ZNF25: variants seen among roughly 807,000 people sequenced by gnomAD.
The protein encoded by ZNF25 is zinc finger protein 25 (KOX 19).
In ZNF25, 21 loss-of-function variants were observed where a neutral mutation model predicts 30.9. The ratio of observed to expected loss-of-function variants is 0.68; its 90% CI spans 0.48 to 0.98. The LOEUF (loss-of-function observed/expected upper bound fraction) is 0.98, where lower values mean the gene tolerates loss of function less well. Among genes scored for constraint, ZNF25 ranks in the 50% least tolerant of loss-of-function variants. ZNF25 has a pLI of 0.00. For missense variants in ZNF25, 501 were observed against 529.9 expected (o/e 0.95, Z 0.54); for synonymous variants, 169 against 181.3 (o/e 0.93, Z 0.55).
intron 4 of ZNF25, among the ~76,000 whole-genome samples, chr10:37,955,579 CCAATG>C (rs1267152512): frequency 6.6e-6 from 1 of 152,148 alleles, no homozygotes; most frequent in Non-Finnish European, 1.5e-5. Context: ...ATCATAAAAA[CCAATG>C]CATTGGCTTT....
Position 37,950,626 on chromosome 10 carries a change from T to C in ZNF25, c.*1501A>G, listed in dbSNP as rs1233515988. ...CAAATAATGATGATAACCTCTAACA[T>C]ATAGCTCTTGTGTCTCAGACACTAT... On this transcript the variant is annotated 3_prime_UTR_variant, in exon 6 of 6. Coordinates refer to ENST00000302609, the MANE Select transcript of ZNF25 (RefSeq NM_145011.4). 1 of 152,094 alleles carries C rather than the reference T, an allele frequency of 6.6e-6. No individual in the cohort carries two copies. Among genetic ancestry groups the C allele is most frequent in the Admixed American group, 6.6e-5 (1 of 15,252 alleles). 9.4% of individuals were successfully genotyped at this position (152,094 alleles called of 1,614,324 possible).
At chr10:37,970,319 A>T (rs1275178657) in intron 2 of ZNF25, among the ~76,000 whole-genome samples, 1 of 152,172 alleles carries the variant, frequency 6.6e-6, no homozygotes, top group Admixed American at 6.5e-5. Context: ...TTGATTCCAC[A>T]TTTGAACATC....
chr10:37,953,892 T>G (rs2062346551), intron 4 of ZNF25, 134 bp from the exon 5 acceptor site: 1 of 810,590 alleles, frequency 1.2e-6, no homozygotes, highest in South Asian at 1.8e-5. Flanking sequence ...GCCCATTGTT[T>G]TGGGAAAAAA....
In ZNF25 at chr10:37,952,224, G is replaced by A. The variant is rs1300182160; in HGVS notation, c.1274C>T (p.Pro425Leu). 1 of 1,613,860 alleles carries A rather than the reference G, an allele frequency of 6.2e-7. No homozygotes were observed. The highest frequency in any genetic ancestry group is 1.3e-5 in the African/African-American group (1 of 74,894). ...TTCCCCACACTCCTGACACTCATAG[G>A]GCTTCTCCCCTGTGTGTTTTCTCTG... Reference protein sequence around the residue: ...IHQRKHTGEKPYECQECGETF... With the variant: ...IHQRKHTGEKLYECQECGETF... Residue 425 changes from proline (P) to leucine (L), a missense_variant, in exon 6 of 6, where the codon CCC (proline) becomes CTC (leucine). Physicochemically the swap from Pro to Leu is moderately conservative, Grantham distance 98. Transcript: ENST00000302609.
chr10:37,960,633 A>AAAAC (rs2062815832), intron 2 of ZNF25, among the ~76,000 whole-genome samples: 1 of 148,266 alleles, frequency 6.7e-6, no homozygotes, highest in African/African-American at 2.4e-5. Context: ...CAAAAAAAAA[A>AAAAC]AAAAAAAAAA....
intron 1 of ZNF25, among the ~76,000 whole-genome samples, chr10:37,976,110 C>T (rs1387036038): frequency 2.0e-5 from 3 of 152,220 alleles, no homozygotes; most frequent in African/African-American, 7.2e-5. Context: ...ATCTATTACC[C>T]TATTCAGTAC....
At chr10:37,955,582 A>G (rs2062464674) in intron 4 of ZNF25, among the ~76,000 whole-genome samples, 1 of 152,232 alleles carries the variant, frequency 6.6e-6, no homozygotes, top group African/African-American at 2.4e-5. Flanking sequence ...ATAAAAACCA[A>G]TGCATTGGCT....
intron 1 of ZNF25, among the ~76,000 whole-genome samples, chr10:37,974,573 T>A (rs893416409): frequency 2.0e-5 from 3 of 152,032 alleles, no homozygotes; most frequent in African/African-American, 7.2e-5. Context: ...GGGATATCAT[T>A]TTACCCCTTA....
chr10:37,958,264 TATC>T (rs1342126719), intron 2 of ZNF25, among the ~76,000 whole-genome samples: 1 of 152,222 alleles, frequency 6.6e-6, no homozygotes, highest in East Asian at 1.9e-4. Flanking sequence ...CATTTCATAT[TATC>T]ATGTTAGATT....
intron 2 of ZNF25, among the ~76,000 whole-genome samples, chr10:37,967,084 C>A (rs2063226615): frequency 6.6e-6 from 1 of 152,174 alleles, no homozygotes. Context: ...ATCCTGTATT[C>A]ATGGACTGGG....
chr10:37,950,683 G>T lies in ZNF25; in HGVS notation c.*1444C>A, dbSNP rs779076244. 6.6e-6 allele frequency: 1 copy of T among 151,728 alleles called. No individual in the cohort carries two copies. The highest frequency in any genetic ancestry group is 1.5e-5 in the Non-Finnish European group (1 of 67,992). 9.4% of individuals were successfully genotyped at this position (151,728 alleles called of 1,614,324 possible). A position where few individuals can be genotyped will look rare whatever the true frequency, so the allele number is the denominator to read the frequency against. On this transcript the variant is annotated 3_prime_UTR_variant, in exon 6 of 6. Transcript: ENST00000302609. Reference sequence around the variant, plus strand: ...TGCTTTGAAAATGTTAACTCATTTAGACCTCAAAGCAATCCTAAGATGTTG... The same window carrying T: ...TGCTTTGAAAATGTTAACTCATTTATACCTCAAAGCAATCCTAAGATGTTG...
chr10:37,974,885 GA>G (rs1422839791), intron 1 of ZNF25, among the ~76,000 whole-genome samples: 1 of 152,144 alleles, frequency 6.6e-6, no homozygotes, highest in African/African-American at 2.4e-5. Context: ...TGCATGAATA[GA>G]TAATGAAAAT....
rs374362998 is a variant in ZNF25, at chr10:37,952,077, T to C, written c.*50A>G. ...TAAGGTGTACCTCTTGTGTGAATTA[T>C]CTGATTGTTTTGAAGGATTAATTCA... On this transcript the variant is annotated 3_prime_UTR_variant, in exon 6 of 6. Transcript: ENST00000302609. The C allele has an allele frequency of 1.8e-5, 27 of 1,492,266 alleles. No individual in the cohort carries two copies. Among genetic ancestry groups the C allele is most frequent in the Non-Finnish European group, 2.4e-5 (27 of 1,112,250 alleles). 92.4% of individuals were successfully genotyped at this position (1,492,266 alleles called of 1,614,324 possible). A position where few individuals can be genotyped will look rare whatever the true frequency, so the allele number is the denominator to read the frequency against.
chr10:37,971,917 G>A, intron 1 of ZNF25, 110 bp from the exon 2 acceptor site: 1 of 644,326 alleles, frequency 1.6e-6, no homozygotes, highest in Non-Finnish European at 2.7e-6. Context: ...GCACCCACCT[G>A]TCCACTTCTG....
At chr10:37,975,636 T>C (rs1308297492) in intron 1 of ZNF25, among the ~76,000 whole-genome samples, 3 of 152,198 alleles carry the variant, frequency 2.0e-5, no homozygotes. Flanking sequence ...GGGCTCAAAT[T>C]GTGGTTTCAA....
At chr10:37,961,032 G>A (rs963434267) in intron 2 of ZNF25, among the ~76,000 whole-genome samples, 8 of 152,080 alleles carry the variant, frequency 5.3e-5, no homozygotes, top group African/African-American at 1.4e-4. Flanking sequence ...AAGGATGACT[G>A]ATAGGAAAAT....
rs760742266 is a variant in ZNF25, at chr10:37,971,751, A to G, written c.-29T>C. 4 of 1,614,036 alleles carry G rather than the reference A, an allele frequency of 2.5e-6. No homozygotes were observed. The South Asian group carries it at 3.3e-5, about 13-fold the overall frequency. On this transcript the variant is annotated 5_prime_UTR_variant, in exon 2 of 6. Coordinates refer to ENST00000302609, the MANE Select transcript of ZNF25 (RefSeq NM_145011.4). ...CTGCTGCTCTTGGGAAAGGCTGAAA[A>G]CTGCAAAGCCAGAGCAGAAATCATA...
chr10:37,953,363 C>T, intron 5 of ZNF25, 168 bp from the exon 6 acceptor site: 1 of 663,696 alleles, frequency 1.5e-6, no homozygotes, highest in Non-Finnish European at 2.5e-6. Flanking sequence ...CTCTGACCTG[C>T]ACTGTAGTTT....
At chr10:37,963,887 A>G (rs1222213212) in intron 2 of ZNF25, among the ~76,000 whole-genome samples, 2 of 152,148 alleles carry the variant, frequency 1.3e-5, no homozygotes, top group Non-Finnish European at 2.9e-5. Context: ...AGGGAGGAGA[A>G]TCGCTTCAAC....
Sources: gnomAD v4.1 joint callset for allele counts (sites outside exome capture counted in the v4.1 genomes callset) on GRCh38, gnomAD v4.1.1 for gene constraint, MANE v1.5 for transcripts, NCBI Gene and HGNC (gene_info 2026-07-23, HGNC 2026-07-21) for gene names.